CSMD3: variants seen among roughly 807,000 people sequenced by gnomAD.
CSMD3 encodes the protein CUB and Sushi multiple domains 3, also known as CUB and sushi domain-containing protein 3.
CSMD3 carries 177 observed loss-of-function variants against 435.2 expected under a neutral mutation model. That is an observed-to-expected ratio of 0.41 (90% confidence interval 0.36 to 0.46). CSMD3 has a LOEUF of 0.46. Among genes scored for constraint, CSMD3 ranks in the 20% least tolerant of loss-of-function variants. CSMD3 has a pLI of 0.34. For synonymous variants in CSMD3, 1,656 were observed against 1,520.5 expected, an observed-to-expected ratio of 1.09 and a Z score of -2.07; for missense variants, 4,265 against 4,504.6, an observed-to-expected ratio of 0.95 and a Z score of 1.52.
At chr8:113,217,354 G>C (rs530975488) in intron 3 of CSMD3, among the ~76,000 whole-genome samples, 2 of 151,532 alleles carry the variant, frequency 1.3e-5, no homozygotes, top group South Asian at 4.2e-4. Flanking sequence ...TGTGACCCGT[G>C]ATCAGACAAA....
At chr8:112,523,335 T>G (rs1433637973) in intron 27 of CSMD3, among the ~76,000 whole-genome samples, 1 of 151,988 alleles carries the variant, frequency 6.6e-6, no homozygotes, top group Non-Finnish European at 1.5e-5. Context: ...TATTAAATTT[T>G]TATTCTAACA....
At chr8:112,737,813 C>A (rs2077219037) in intron 13 of CSMD3, among the ~76,000 whole-genome samples, 1 of 151,830 alleles carries the variant, frequency 6.6e-6, no homozygotes, top group Non-Finnish European at 1.5e-5. Context: ...AGAATTTATA[C>A]AATTCCGAAA....
At chr8:113,262,184 T>A (rs1384838094) in intron 3 of CSMD3, among the ~76,000 whole-genome samples, 1 of 152,080 alleles carries the variant, frequency 6.6e-6, no homozygotes, top group East Asian at 1.9e-4. Context: ...TTGAAATGTT[T>A]GTAACCTATA....
At chr8:113,212,033 A>G (rs1349864835) in intron 3 of CSMD3, among the ~76,000 whole-genome samples, 1 of 152,208 alleles carries the variant, frequency 6.6e-6, no homozygotes, top group East Asian at 1.9e-4. Context: ...ATGACTAAAA[A>G]TTGAAGTATT....
chr8:112,599,183 A>C (rs1832067999), intron 22 of CSMD3, among the ~76,000 whole-genome samples: 1 of 147,024 alleles, frequency 6.8e-6, no homozygotes, highest in African/African-American at 2.5e-5. Flanking sequence ...GAAAAAAAAA[A>C]CAACCCCATC....
chr8:112,895,098 C>A (rs567588458), intron 10 of CSMD3, among the ~76,000 whole-genome samples: 1 of 151,344 alleles, frequency 6.6e-6, no homozygotes, highest in Admixed American at 6.6e-5. Context: ...ATGCTTACTG[C>A]CTTTCACTCC....
chr8:112,311,187 A>G (rs75377014), intron 49 of CSMD3, 21 bp from the exon 50 acceptor site: 1 of 1,588,816 alleles, frequency 6.3e-7, no homozygotes, highest in Non-Finnish European at 8.6e-7. Context: ...GAAAAAAAAA[A>G]TGCTGTTTAA....
intron 5 of CSMD3, among the ~76,000 whole-genome samples, chr8:113,097,504 G>C (rs1291260610): frequency 6.6e-6 from 1 of 151,868 alleles, no homozygotes. Flanking sequence ...TTAAGTCTCA[G>C]ATTCAGTCCC....
intron 3 of CSMD3, among the ~76,000 whole-genome samples, chr8:113,176,291 A>G (rs1468562965): frequency 6.6e-6 from 1 of 152,124 alleles, no homozygotes; most frequent in African/African-American, 2.4e-5. Flanking sequence ...TAATTCATAA[A>G]GACAGTTAAG....
intron 13 of CSMD3, among the ~76,000 whole-genome samples, chr8:112,754,890 C>G (rs2077654187): frequency 2.6e-5 from 4 of 152,172 alleles, no homozygotes; most frequent in Non-Finnish European, 5.9e-5. Flanking sequence ...GACATGTTTA[C>G]CCCCTCCACA....
At chr8:113,188,103 T>C (rs895435758) in intron 3 of CSMD3, among the ~76,000 whole-genome samples, 5 of 152,010 alleles carry the variant, frequency 3.3e-5, no homozygotes, top group Admixed American at 1.3e-4. Context: ...GTGATTACCT[T>C]CACACAGGAA....
chr8:112,711,418 T>G (rs1050002945), intron 13 of CSMD3, among the ~76,000 whole-genome samples: 2 of 151,256 alleles, frequency 1.3e-5, no homozygotes, highest in South Asian at 2.1e-4. Flanking sequence ...GTAGGAAGAG[T>G]TGAACTAGTT....
At chr8:113,141,458 C>T (rs1333250887) in intron 4 of CSMD3, among the ~76,000 whole-genome samples, 1 of 150,882 alleles carries the variant, frequency 6.6e-6, no homozygotes, top group African/African-American at 2.4e-5. Flanking sequence ...CACATAAACT[C>T]AGTAACATAT....
intron 32 of CSMD3, among the ~76,000 whole-genome samples, chr8:112,426,188 G>A (rs777603512): frequency 4.6e-5 from 7 of 152,008 alleles, no homozygotes; most frequent in Non-Finnish European, 1.0e-4. Flanking sequence ...GTGTGTCAAG[G>A]ACAACAAATA....
chr8:112,410,558 T>C (rs928543202), intron 32 of CSMD3, among the ~76,000 whole-genome samples: 8 of 135,628 alleles, frequency 5.9e-5, no homozygotes, highest in East Asian at 4.2e-4. Context: ...AGTTAAAGGA[T>C]GCTGAATTGT....
chr8:112,793,465 G>C (rs1587314406), intron 13 of CSMD3, among the ~76,000 whole-genome samples: 1 of 151,896 alleles, frequency 6.6e-6, no homozygotes, highest in Non-Finnish European at 1.5e-5. Context: ...GTATCTGAAA[G>C]CATTGAACTA....
intron 20 of CSMD3, among the ~76,000 whole-genome samples, chr8:112,641,614 A>T (rs2131599308): frequency 6.6e-6 from 1 of 152,246 alleles, no homozygotes; most frequent in South Asian, 2.1e-4. Flanking sequence ...AGACGGGTGG[A>T]TTGCTTGAAT....
intron 30 of CSMD3, among the ~76,000 whole-genome samples, chr8:112,493,680 A>C (rs1820928202): frequency 6.6e-6 from 1 of 152,168 alleles, no homozygotes. Flanking sequence ...CATTGTACCC[A>C]GATATTGAAC....
intron 61 of CSMD3, among the ~76,000 whole-genome samples, chr8:112,261,226 GTCA>G (rs1816364146): frequency 1.3e-5 from 2 of 151,944 alleles, no homozygotes; most frequent in Admixed American, 1.3e-4. Context: ...TCTTCAGTTA[GTCA>G]TCATAATTCT....
Sources: allele counts gnomAD v4.1 joint callset (sites outside exome capture counted in the v4.1 genomes callset), GRCh38; gene constraint gnomAD v4.1.1; transcripts MANE v1.5; gene names NCBI Gene and HGNC (gene_info 2026-07-23, HGNC 2026-07-21).